Variants in FHIT observed in about 807,000 individuals in gnomAD.
FHIT encodes bis(5'-adenosyl)-triphosphatase.
A neutral mutation model predicts 17.9 loss-of-function variants in FHIT; 19 were observed. The observed-to-expected ratio is 1.06, with a 90% confidence interval of 0.74 to 1.56. The LOEUF (loss-of-function observed/expected upper bound fraction) is 1.56, where lower values mean the gene tolerates loss of function less well. FHIT is among the 40% of genes most tolerant of loss of function. The pLI, the probability that FHIT is intolerant of heterozygous loss-of-function variation, is 0.00. For synonymous variants in FHIT, 81 were observed against 69.7 expected (o/e 1.16, Z -0.81); for missense variants, 248 against 189.2 (o/e 1.31, Z -1.82).
At position 59,934,985 on chromosome 3, in the gene FHIT, C is replaced by T. The variant is rs147619515; in HGVS notation, c.280-12571G>A. ...CTCTAGAGAAGTTGACAAACCTAACCAACAGCTATAAAACCAGGATAACTC... is the reference window on the plus strand; with the variant it reads ...CTCTAGAGAAGTTGACAAACCTAACTAACAGCTATAAAACCAGGATAACTC... On this transcript the variant is annotated intron_variant, in intron 7 of 9. Coordinates refer to ENST00000492590, the MANE Select transcript of FHIT (RefSeq NM_002012.4). Among the ~76,000 whole-genome samples, 11 of 152,196 alleles carry T rather than the reference C, an allele frequency of 7.2e-5. No individual in the cohort carries two copies. The East Asian group carries it at 1.9e-3, about 27-fold the overall frequency.
At chr3:59,783,447 G>A (rs113651335) in intron 8 of FHIT, among the ~76,000 whole-genome samples, 1 of 152,248 alleles carries the variant, frequency 6.6e-6, no homozygotes, top group African/African-American at 2.4e-5. Context: ...CCAGCCTGGT[G>A]ACAGAGCGAG....
At chr3:59,958,785 C>T (rs937215010) in intron 7 of FHIT, among the ~76,000 whole-genome samples, 2 of 152,064 alleles carry the variant, frequency 1.3e-5, no homozygotes, top group Non-Finnish European at 2.9e-5. Context: ...CTCCTTTTTT[C>T]TCCTCTTCCC....
At chr3:60,704,732 T>C (rs2041330896) in intron 4 of FHIT, among the ~76,000 whole-genome samples, 1 of 152,188 alleles carries the variant, frequency 6.6e-6, no homozygotes, top group Non-Finnish European at 1.5e-5. Flanking sequence ...TCCAATTCTG[T>C]CAGGGTCATA....
chr3:60,477,519 T>C (rs546785589), intron 5 of FHIT, among the ~76,000 whole-genome samples: 3 of 152,264 alleles, frequency 2.0e-5, no homozygotes, highest in East Asian at 3.9e-4. Flanking sequence ...AACCACACTA[T>C]GTAATAATTT....
chr3:60,852,294 T>G (rs1703186446), intron 3 of FHIT, among the ~76,000 whole-genome samples: 1 of 152,146 alleles, frequency 6.6e-6, no homozygotes, highest in Non-Finnish European at 1.5e-5. Context: ...CCATTGGGTC[T>G]CCTGGGTCCC....
intron 5 of FHIT, among the ~76,000 whole-genome samples, chr3:60,264,793 A>C (rs1706486026): frequency 6.6e-6 from 1 of 151,938 alleles, no homozygotes; most frequent in Non-Finnish European, 1.5e-5. Flanking sequence ...CCACTTAAGG[A>C]AGGAATTTTT....
chr3:60,336,856 T>TA (rs139978163), intron 5 of FHIT, among the ~76,000 whole-genome samples: 1,647 of 134,596 alleles, frequency 0.012, 31 homozygotes, highest in African/African-American at 0.042. Flanking sequence ...TAAGACTATT[T>TA]AAAAAAACTC....
intron 8 of FHIT, among the ~76,000 whole-genome samples, chr3:59,844,868 A>C (rs1701661510): frequency 6.6e-6 from 1 of 152,134 alleles, no homozygotes; most frequent in South Asian, 2.1e-4. Flanking sequence ...AAGTTTGAAA[A>C]AGATCGGTTT....
chr3:60,308,114 T>A (rs551020127), intron 5 of FHIT, among the ~76,000 whole-genome samples: 15 of 152,188 alleles, frequency 9.9e-5, no homozygotes, highest in African/African-American at 3.6e-4. Flanking sequence ...ACTTGATAAA[T>A]CCATGCATTT....
chr3:60,453,862 G>A (rs2031911811), intron 5 of FHIT, among the ~76,000 whole-genome samples: 1 of 152,144 alleles, frequency 6.6e-6, no homozygotes, highest in Admixed American at 6.5e-5. Context: ...TAAGAACACT[G>A]AGGAAAAGCA....
chr3:60,030,127 C>A (rs1417576079), intron 5 of FHIT, among the ~76,000 whole-genome samples: 1 of 152,062 alleles, frequency 6.6e-6, no homozygotes, highest in East Asian at 1.9e-4. Context: ...CATCATTAAA[C>A]CTGGCTGTTA....
At chr3:60,759,710 C>A (rs1290399225) in intron 4 of FHIT, among the ~76,000 whole-genome samples, 1 of 152,108 alleles carries the variant, frequency 6.6e-6, no homozygotes, top group Non-Finnish European at 1.5e-5. Flanking sequence ...GCTGATAGAT[C>A]AAGTAAGAAT....
intron 1 of FHIT, among the ~76,000 whole-genome samples, chr3:61,247,421 C>T (rs2040513814): frequency 6.6e-6 from 1 of 152,186 alleles, no homozygotes; most frequent in Non-Finnish European, 1.5e-5. Flanking sequence ...CCCTGAGCCT[C>T]CTGGGATAGG....
intron 2 of FHIT, among the ~76,000 whole-genome samples, chr3:61,142,448 C>T (rs2037112538): frequency 1.3e-5 from 2 of 151,938 alleles, no homozygotes; most frequent in Admixed American, 6.6e-5. Context: ...ACTCTAATCA[C>T]TGAGGTGGGA....
At chr3:60,123,596 T>G (rs75207763) in intron 5 of FHIT, among the ~76,000 whole-genome samples, 11,177 of 152,136 alleles carry the variant, frequency 0.073, 582 homozygotes, top group Admixed American at 0.12. Flanking sequence ...AGAATTAATG[T>G]GTTTTAATAC....
intron 5 of FHIT, among the ~76,000 whole-genome samples, chr3:60,505,793 T>A (rs553237891): frequency 1.8e-4 from 28 of 152,318 alleles, no homozygotes; most frequent in African/African-American, 6.7e-4. Flanking sequence ...TGGCATCCAT[T>A]GGTATTGCAA....
chr3:60,478,852 G>C (rs544272556), intron 5 of FHIT, among the ~76,000 whole-genome samples: 18 of 152,300 alleles, frequency 1.2e-4, no homozygotes, highest in African/African-American at 4.1e-4. Flanking sequence ...ATGACACAGA[G>C]AGTATAATCA....
chr3:59,973,264 G>A (rs1419392596), intron 7 of FHIT, among the ~76,000 whole-genome samples: 1 of 152,074 alleles, frequency 6.6e-6, no homozygotes, highest in Non-Finnish European at 1.5e-5. Flanking sequence ...CTCTGTTTCT[G>A]GCCTTCAGTC....
chr3:61,173,613 G>A (rs531379369), intron 2 of FHIT, among the ~76,000 whole-genome samples: 15 of 152,200 alleles, frequency 9.9e-5, no homozygotes, highest in South Asian at 8.3e-4. Context: ...AGCTTTCAGC[G>A]GAAGAAAGTT....
Sources: allele counts gnomAD v4.1 joint callset (sites outside exome capture counted in the v4.1 genomes callset), GRCh38; gene constraint gnomAD v4.1.1; transcripts MANE v1.5; gene names NCBI Gene and HGNC (gene_info 2026-07-23, HGNC 2026-07-21).